Variants in SGCD observed in about 807,000 individuals in gnomAD.
The protein encoded by SGCD is delta-sarcoglycan.
Under a neutral mutation model 36.6 loss-of-function variants are expected in SGCD, and 18 were observed. The ratio of observed to expected loss-of-function variants is 0.49; its 90% CI spans 0.34 to 0.73. SGCD has a LOEUF of 0.73. Ranked by LOEUF, SGCD falls within the 30% of genes least tolerant of loss-of-function variation. SGCD has a pLI of 0.01. For missense variants in SGCD, 387 were observed against 346.7 expected (o/e 1.12, Z -0.92); for synonymous variants, 133 against 130.6 (o/e 1.02, Z -0.12).
At chr5:156,283,903 T>A (rs1037779923) in intron 3 of SGCD, among the ~76,000 whole-genome samples, 2 of 152,116 alleles carry the variant, frequency 1.3e-5, no homozygotes, top group Non-Finnish European at 2.9e-5. Flanking sequence ...AAGTGCTGAG[T>A]TCTCCCCAGT....
intron 4 of SGCD, among the ~76,000 whole-genome samples, chr5:156,556,018 C>T (rs1024581202): frequency 4.0e-5 from 6 of 151,758 alleles, no homozygotes; most frequent in African/African-American, 1.5e-4. Flanking sequence ...TCTAAAGAAT[C>T]CCATTTTTCA....
chr5:156,426,365 T>G (rs553971605), intron 3 of SGCD, among the ~76,000 whole-genome samples: 19 of 152,158 alleles, frequency 1.2e-4, no homozygotes, highest in African/African-American at 3.9e-4. Context: ...TGGCCATTTG[T>G]ATATCTTGAG....
chr5:156,080,084 A>G (rs544547626), intron 1 of SGCD, among the ~76,000 whole-genome samples: 61 of 152,350 alleles, frequency 4.0e-4, no homozygotes, highest in Admixed American at 2.4e-3. Flanking sequence ...CTGTATGCCT[A>G]CAGGCTTAAT....
chr5:156,497,233 A>G (rs533770733), intron 3 of SGCD, among the ~76,000 whole-genome samples: 276 of 151,822 alleles, frequency 1.8e-3, no homozygotes, highest in African/African-American at 6.1e-3. Flanking sequence ...TATTGAGGAA[A>G]GATGGTTTCT....
At chr5:155,915,811 T>G (rs1463172458) in intron 1 of SGCD, among the ~76,000 whole-genome samples, 1 of 152,200 alleles carries the variant, frequency 6.6e-6, no homozygotes, top group Admixed American at 6.5e-5. Context: ...GTACATTTCA[T>G]ATGTGTGACA....
intron 7 of SGCD, among the ~76,000 whole-genome samples, chr5:156,750,343 T>A (rs1296938383): frequency 1.3e-5 from 2 of 152,220 alleles, no homozygotes; most frequent in East Asian, 3.9e-4. Flanking sequence ...TAATCAACAC[T>A]GTATTGTATG....
chr5:156,357,467 A>T (rs1443761852), intron 3 of SGCD, among the ~76,000 whole-genome samples: 2 of 152,316 alleles, frequency 1.3e-5, no homozygotes, highest in Middle Eastern at 3.4e-3. Context: ...TTCAGTGGCA[A>T]TGGTGGTCAT....
chr5:156,598,348 C>A (rs941392142), intron 6 of SGCD, among the ~76,000 whole-genome samples: 3 of 151,990 alleles, frequency 2.0e-5, no homozygotes, highest in African/African-American at 7.3e-5. Context: ...TCAAGACCAG[C>A]CTGACCAACA....
At chr5:156,639,495 G>A (rs754884208) in intron 6 of SGCD, among the ~76,000 whole-genome samples, 1 of 152,158 alleles carries the variant, frequency 6.6e-6, no homozygotes, top group Non-Finnish European at 1.5e-5. Flanking sequence ...TAAAAGTGTG[G>A]TTACTAACCA....
At chr5:156,716,810 G>A (rs564256492) in intron 7 of SGCD, among the ~76,000 whole-genome samples, 1 of 152,282 alleles carries the variant, frequency 6.6e-6, no homozygotes, top group Admixed American at 6.5e-5. Flanking sequence ...GGACTGCTAT[G>A]TCATTTACAC....
chr5:156,001,041 A>C (rs572070481), intron 1 of SGCD, among the ~76,000 whole-genome samples: 1 of 152,200 alleles, frequency 6.6e-6, no homozygotes, highest in African/African-American at 2.4e-5. Flanking sequence ...GATATCCATC[A>C]TTTAGATGCC....
chr5:156,455,021 G>T (rs151155216), intron 3 of SGCD, among the ~76,000 whole-genome samples: 1 of 152,278 alleles, frequency 6.6e-6, no homozygotes, highest in East Asian at 1.9e-4. Context: ...TCCTTGTAAA[G>T]AAAGGACGCT....
At chr5:155,858,590 A>C in the SGCD span, among the ~76,000 whole-genome samples, 10 of 152,132 alleles carry the variant, frequency 6.6e-5, no homozygotes, top group Non-Finnish European at 1.5e-5. Context: ...ACTTTTTTTC[A>C]CTGTCAAAAT....
chr5:156,451,828 T>G (rs1345283319), intron 3 of SGCD, among the ~76,000 whole-genome samples: 2 of 152,172 alleles, frequency 1.3e-5, no homozygotes, highest in Non-Finnish European at 2.9e-5. Flanking sequence ...TAATGAATAA[T>G]GAAAATATTT....
chr5:155,973,900 T>A (rs1413199274), intron 1 of SGCD, among the ~76,000 whole-genome samples: 1 of 152,186 alleles, frequency 6.6e-6, no homozygotes, highest in Non-Finnish European at 1.5e-5. Context: ...ATCTGTGTGA[T>A]CTGTTTTAAC....
chr5:155,856,885 C>T, the SGCD span, among the ~76,000 whole-genome samples: 11 of 152,162 alleles, frequency 7.2e-5, no homozygotes, highest in Non-Finnish European at 1.5e-4. Flanking sequence ...GACTCTCATA[C>T]ATTGTTGGTG....
In SGCD at chr5:155,909,250, A is replaced by G. The variant is rs190204796; in HGVS notation, c.-282+38826A>G. Among the ~76,000 whole-genome samples, 283 of 152,268 alleles carry G rather than the reference A, an allele frequency of 1.9e-3. 2 individuals are homozygous for G. Among genetic ancestry groups the G allele is most frequent in the African/African-American group, 6.5e-3 (271 of 41,562 alleles). ...TTCAGCCTTTGAATCATTAAGTGCC[A>G]GTAATACCCAAAGCTATTTTATTCT... On this transcript the variant is annotated intron_variant, in intron 1 of 9. Coordinates refer to the SGCD transcript ENST00000517913.
chr5:155,861,079 T>C, the SGCD span, among the ~76,000 whole-genome samples: 2 of 152,334 alleles, frequency 1.3e-5, no homozygotes. Flanking sequence ...CACATGCATA[T>C]ATAGCTCATT....
At chr5:156,275,302 A>G (rs1203224604) in intron 3 of SGCD, among the ~76,000 whole-genome samples, 1 of 152,176 alleles carries the variant, frequency 6.6e-6, no homozygotes, top group Non-Finnish European at 1.5e-5. Flanking sequence ...TGGGGTATAG[A>G]AGAAAATGCC....
Sources: allele counts gnomAD v4.1 joint callset (sites outside exome capture counted in the v4.1 genomes callset), GRCh38; gene constraint gnomAD v4.1.1; transcripts MANE v1.5; gene names NCBI Gene and HGNC (gene_info 2026-07-23, HGNC 2026-07-21).